The following PDE4D variants were observed in gnomAD, a reference collection of about 807,000 sequenced individuals.
PDE4D encodes the protein 3',5'-cyclic-AMP phosphodiesterase 4D.
Under a neutral mutation model 87.4 loss-of-function variants are expected in PDE4D, and 24 were observed. The ratio of observed to expected loss-of-function variants is 0.27; its 90% confidence interval spans 0.20 to 0.39. The LOEUF is 0.39. Ranked by LOEUF, PDE4D falls within the 10% of genes least tolerant of loss-of-function variation. The pLI, the probability that PDE4D is intolerant of heterozygous loss-of-function variation, is 1.00. For synonymous variants in PDE4D, 384 were observed against 383.2 expected, an observed-to-expected ratio of 1.00 and a Z score of -0.02; for missense variants, 714 against 1,041.0, an observed-to-expected ratio of 0.69 and a Z score of 4.32.
At chr5:59,076,127 C>T (rs572323678) in intron 5 of PDE4D, among the ~76,000 whole-genome samples, 1 of 152,262 alleles carries the variant, frequency 6.6e-6, no homozygotes, top group East Asian at 1.9e-4. Flanking sequence ...CTTTGGCCCA[C>T]TTTGGCATTG....
chr5:60,221,379 T>C lies in PDE4D; in HGVS notation c.-89-35692A>G, dbSNP rs368775852. On this transcript the variant is annotated intron_variant, in intron 1 of 16. Transcript: ENST00000502484. ...ACCATGTGTTTACTTATTTGAAAAA[T>C]ATATGTACCTTAGTTTCTCCTTTTA... Among the ~76,000 whole-genome samples the C allele has an allele frequency of 1.2e-4, 19 of 152,234 alleles. 1 individual carries two copies. In the East Asian group the frequency reaches 2.3e-3, roughly 19 times the overall value.
chr5:59,711,622 CTAACTA>C (rs1391917948), intron 1 of PDE4D, among the ~76,000 whole-genome samples: 3 of 152,132 alleles, frequency 2.0e-5, no homozygotes, highest in South Asian at 2.1e-4. Context: ...TTACTACAAC[CTAACTA>C]TAACTTCCTA....
intron 1 of PDE4D, among the ~76,000 whole-genome samples, chr5:59,873,016 C>A (rs1185983734): frequency 2.6e-5 from 4 of 152,144 alleles, no homozygotes; most frequent in African/African-American, 7.2e-5. Context: ...AGATACTCTG[C>A]ATTTACATTG....
chr5:59,910,394 C>T (rs561261792), intron 3 of PDE4D, among the ~76,000 whole-genome samples: 162 of 152,296 alleles, frequency 1.1e-3, no homozygotes, highest in African/African-American at 3.8e-3. Flanking sequence ...AATTGCACAT[C>T]GTCTACTTTA....
chr5:59,208,884 T>C (rs989154685), intron 2 of PDE4D, among the ~76,000 whole-genome samples: 2 of 152,142 alleles, frequency 1.3e-5, no homozygotes, highest in Non-Finnish European at 2.9e-5. Context: ...ATTTTGCCAA[T>C]AAACTTCTTG....
intron 4 of PDE4D, among the ~76,000 whole-genome samples, 156 bp downstream of exon 4, chr5:59,185,033 T>C (rs1323343552): frequency 6.6e-6 from 1 of 152,142 alleles, no homozygotes; most frequent in Non-Finnish European, 1.5e-5. Context: ...CCACGAAGTA[T>C]TTATAGAAAA....
At chr5:59,721,998 G>C (rs192864253) in intron 1 of PDE4D, among the ~76,000 whole-genome samples, 1 of 152,260 alleles carries the variant, frequency 6.6e-6, no homozygotes, top group Admixed American at 6.5e-5. Context: ...TAGTGAGGGG[G>C]TGTGCATCTT....
intron 1 of PDE4D, among the ~76,000 whole-genome samples, chr5:60,347,493 G>C (rs1272803638): frequency 6.6e-6 from 1 of 152,014 alleles, no homozygotes; most frequent in Non-Finnish European, 1.5e-5. Flanking sequence ...TAGAGAATAG[G>C]TTGCATATTT....
intron 2 of PDE4D, among the ~76,000 whole-genome samples, chr5:59,993,421 CA>C (rs1336335148): frequency 2.0e-5 from 3 of 152,098 alleles, no homozygotes; most frequent in Admixed American, 2.0e-4. Flanking sequence ...AATGTTGATA[CA>C]TCATATGATG....
chr5:59,987,131 G>A (rs4699950), intron 3 of PDE4D: 94,728 of 152,080 alleles, frequency 0.62, 32,124 homozygotes, highest in East Asian at 0.83. Flanking sequence ...CATTGAACCC[G>A]AGGGTGATCT....
chr5:59,083,651 C>T (rs1187093194), intron 5 of PDE4D, among the ~76,000 whole-genome samples: 1 of 151,822 alleles, frequency 6.6e-6, no homozygotes. Flanking sequence ...TATATTCTCC[C>T]CCTGAATATC....
At chr5:59,841,689 G>C (rs756723701) in intron 1 of PDE4D, among the ~76,000 whole-genome samples, 13 of 151,978 alleles carry the variant, frequency 8.6e-5, no homozygotes, top group Non-Finnish European at 1.6e-4. Context: ...GGGACACCAG[G>C]ACAACAGAGA....
intron 7 of PDE4D, among the ~76,000 whole-genome samples, chr5:58,993,067 G>A (rs1391357335): frequency 6.6e-6 from 1 of 152,040 alleles, no homozygotes; most frequent in Non-Finnish European, 1.5e-5. Context: ...AGAATTTGTT[G>A]AAGATATGAA....
chr5:59,455,307 C>G (rs1274922809), intron 1 of PDE4D, among the ~76,000 whole-genome samples: 1 of 152,182 alleles, frequency 6.6e-6, no homozygotes, highest in Non-Finnish European at 1.5e-5. Flanking sequence ...GGACTTGGTG[C>G]CCTGTGTCCC....
chr5:60,194,171 T>A (rs1740937280), intron 1 of PDE4D, among the ~76,000 whole-genome samples: 1 of 151,670 alleles, frequency 6.6e-6, no homozygotes, highest in Non-Finnish European at 1.5e-5. Context: ...TTTCTTTACC[T>A]CCTTATTCCC....
chr5:59,085,157 T>G (rs1026179644), intron 5 of PDE4D, among the ~76,000 whole-genome samples: 1 of 152,166 alleles, frequency 6.6e-6, no homozygotes. Context: ...TGGGGAGAGC[T>G]TCAAATATTT....
intron 1 of PDE4D, among the ~76,000 whole-genome samples, chr5:60,265,706 G>A (rs73759032): frequency 8.7e-4 from 132 of 152,164 alleles, no homozygotes; most frequent in African/African-American, 3.2e-3. Flanking sequence ...CTCTGTACCT[G>A]GCAAAACAGC....
At chr5:59,165,331 T>A (rs1052215576) in intron 5 of PDE4D, among the ~76,000 whole-genome samples, 13 of 152,198 alleles carry the variant, frequency 8.5e-5, no homozygotes, top group Admixed American at 3.9e-4. Context: ...TGGAGTGCAG[T>A]GGCACGATCT....
chr5:60,357,871 G>T (rs1759750939), intron 1 of PDE4D, among the ~76,000 whole-genome samples: 1 of 152,034 alleles, frequency 6.6e-6, no homozygotes, highest in African/African-American at 2.4e-5. Flanking sequence ...AACTTAGGTG[G>T]CCAGTTATAC....
Sources: allele counts gnomAD v4.1 joint callset (sites outside exome capture counted in the v4.1 genomes callset), GRCh38; gene constraint gnomAD v4.1.1; transcripts MANE v1.5; gene names NCBI Gene and HGNC (gene_info 2026-07-23, HGNC 2026-07-21).